AGMO: variants seen among roughly 807,000 people sequenced by gnomAD.
The protein encoded by AGMO is alkylglycerol monooxygenase.
In AGMO, 75 loss-of-function variants were observed where a neutral mutation model predicts 60.2. The observed-to-expected ratio is 1.25, with a 90% confidence interval of 1.03 to 1.51. The LOEUF (loss-of-function observed/expected upper bound fraction) is 1.51. Ranked by LOEUF, AGMO falls within the 40% of genes most tolerant of loss-of-function variation. The pLI is 0.00. For synonymous variants in AGMO, 261 were observed against 177.1 expected, an observed-to-expected ratio of 1.47 and a Z score of -3.76; for missense variants, 763 against 525.5, an observed-to-expected ratio of 1.45 and a Z score of -4.42.
chr7:15,134,795 G>A, the AGMO span, among the ~76,000 whole-genome samples: 1 of 141,032 alleles, frequency 7.1e-6, no homozygotes. Flanking sequence ...CAGTTTGATA[G>A]TGAAATTGGG....
At chr7:15,389,458 T>C (rs1784052240) in intron 8 of AGMO, among the ~76,000 whole-genome samples, 1 of 152,290 alleles carries the variant, frequency 6.6e-6, no homozygotes, top group South Asian at 2.1e-4. Flanking sequence ...AGGTGTATCA[T>C]ATTCTTAGTA....
chr7:15,376,135 A>G (rs1783441080), intron 10 of AGMO, among the ~76,000 whole-genome samples: 1 of 152,104 alleles, frequency 6.6e-6, no homozygotes, highest in African/African-American at 2.4e-5. Context: ...AATCCATTAC[A>G]TTCATTTCAT....
chr7:15,141,978 CTG>C, the AGMO span, among the ~76,000 whole-genome samples: 1 of 152,266 alleles, frequency 6.6e-6, no homozygotes, highest in Non-Finnish European at 1.5e-5. Context: ...AGATGGGACA[CTG>C]TGTCTTTGCC....
chr7:15,496,014 C>T (rs914533410), intron 3 of AGMO, among the ~76,000 whole-genome samples: 1 of 152,182 alleles, frequency 6.6e-6, no homozygotes, highest in Non-Finnish European at 1.5e-5. Flanking sequence ...ACAGCTTCCA[C>T]ACGTGAATTT....
chr7:15,297,775 A>C (rs1583377364), intron 12 of AGMO, among the ~76,000 whole-genome samples: 1 of 152,180 alleles, frequency 6.6e-6, no homozygotes, highest in African/African-American at 2.4e-5. Context: ...ATATATGGAA[A>C]GAGAATTATA....
chr7:15,250,710 C>G (rs868783065), intron 12 of AGMO, among the ~76,000 whole-genome samples: 2 of 152,076 alleles, frequency 1.3e-5, no homozygotes, highest in Non-Finnish European at 2.9e-5. Context: ...GAAGCTGAGG[C>G]AGGTGGATCA....
intron 5 of AGMO, among the ~76,000 whole-genome samples, chr7:15,399,188 C>G (rs560722250): frequency 3.3e-5 from 5 of 152,172 alleles, no homozygotes; most frequent in African/African-American, 1.2e-4. Context: ...AACTTGAGAA[C>G]TATGGATGCC....
chr7:15,178,047 C>T, the AGMO span, among the ~76,000 whole-genome samples: 3 of 152,122 alleles, frequency 2.0e-5, no homozygotes, highest in Non-Finnish European at 2.9e-5. Context: ...CTTACCCCTC[C>T]TCAGCCTGCA....
intron 3 of AGMO, among the ~76,000 whole-genome samples, chr7:15,470,415 G>A (rs952522013): frequency 3.3e-5 from 5 of 151,532 alleles, no homozygotes; most frequent in African/African-American, 7.3e-5. Flanking sequence ...CTTTTTTTCT[G>A]TTTCATGGGC....
At chr7:15,150,621 T>C in the AGMO span, among the ~76,000 whole-genome samples, 9 of 152,084 alleles carry the variant, frequency 5.9e-5, no homozygotes, top group African/African-American at 1.9e-4. Context: ...TTTGCATACA[T>C]TGAAACAACC....
intron 12 of AGMO, among the ~76,000 whole-genome samples, chr7:15,223,889 A>G (rs1373973827): frequency 1.3e-5 from 2 of 151,644 alleles, no homozygotes; most frequent in African/African-American, 4.9e-5. Flanking sequence ...CAATGTCACA[A>G]ATGTTTTCAT....
intron 12 of AGMO, among the ~76,000 whole-genome samples, chr7:15,357,613 G>A (rs1206426051): frequency 6.6e-6 from 1 of 152,202 alleles, no homozygotes; most frequent in African/African-American, 2.4e-5. Flanking sequence ...GCTTCAAGAA[G>A]CCTTGCAAAT....
intron 3 of AGMO, among the ~76,000 whole-genome samples, chr7:15,438,967 T>A (rs546961729): frequency 6.6e-6 from 1 of 152,362 alleles, no homozygotes; most frequent in African/African-American, 2.4e-5. Context: ...CAGACTGTGT[T>A]CTATAGGGAA....
At chr7:15,220,069 TATG>T (rs915647357) in intron 12 of AGMO, among the ~76,000 whole-genome samples, 3 of 152,144 alleles carry the variant, frequency 2.0e-5, no homozygotes, top group African/African-American at 7.2e-5. Flanking sequence ...TGGAATCTTC[TATG>T]ATGTCCATTC....
In AGMO at chr7:15,507,756, T is replaced by A. The variant is rs199818709; in HGVS notation, c.409+37016A>T. 1.4e-4 allele frequency among the ~76,000 whole-genome samples: 21 copies of A among 152,152 alleles called. No individual in the cohort carries two copies. In the East Asian group the frequency reaches 3.5e-3, roughly 25 times the overall value. On this transcript the variant is annotated intron_variant, in intron 3 of 12. Transcript: ENST00000342526. ...TAAACATTTTTACAGATCAGTCAAG[T>A]GGATATGTTAAAAAAAGAATTTTTA... is the stretch of plus-strand genomic sequence containing the variant.
intron 5 of AGMO, among the ~76,000 whole-genome samples, chr7:15,410,002 T>TATA (rs1554268746): frequency 1.3e-5 from 2 of 151,380 alleles, no homozygotes; most frequent in African/African-American, 4.8e-5. Flanking sequence ...AATAAATAAA[T>TATA]AATAAATAAA....
the AGMO span, among the ~76,000 whole-genome samples, chr7:15,146,811 T>C: frequency 6.6e-6 from 1 of 152,278 alleles, no homozygotes; most frequent in South Asian, 2.1e-4. Context: ...CATCATCTTC[T>C]GAAACAGTAG....
intron 12 of AGMO, among the ~76,000 whole-genome samples, chr7:15,332,759 A>C (rs901941565): frequency 2.0e-5 from 3 of 152,182 alleles, no homozygotes; most frequent in Non-Finnish European, 4.4e-5. Context: ...CAAAATAAAA[A>C]TTATTTATCA....
intron 3 of AGMO, among the ~76,000 whole-genome samples, chr7:15,483,494 A>G (rs771592556): frequency 1.3e-5 from 2 of 152,132 alleles, no homozygotes; most frequent in Non-Finnish European, 2.9e-5. Flanking sequence ...TGAACCCGGG[A>G]GGCGGAGCTT....
Sources: gnomAD v4.1 joint callset for allele counts (sites outside exome capture counted in the v4.1 genomes callset) on GRCh38, gnomAD v4.1.1 for gene constraint, MANE v1.5 for transcripts, NCBI Gene and HGNC (gene_info 2026-07-23, HGNC 2026-07-21) for gene names.